Variants in EGFR observed in about 807,000 individuals in gnomAD.
EGFR encodes avian erythroblastic leukemia viral (v-erb-b) oncogene homolog.
EGFR carries 58 observed loss-of-function variants against 143.0 expected under a neutral mutation model. That is an observed-to-expected ratio of 0.41 (90% CI 0.33 to 0.50). The LOEUF is 0.50. EGFR is among the 20% of genes least tolerant of loss of function. The pLI, the probability that EGFR is intolerant of heterozygous loss-of-function variation, is 0.39. For missense variants in EGFR, 1,307 were observed against 1,579.0 expected (o/e 0.83, Z 2.92); for synonymous variants, 613 against 594.4 (o/e 1.03, Z -0.45).
intron 20 of EGFR, among the ~76,000 whole-genome samples, chr7:55,186,486 C>T (rs1787144096): frequency 6.6e-6 from 1 of 152,326 alleles, no homozygotes; most frequent in African/African-American, 2.4e-5. Flanking sequence ...GATGACTTAC[C>T]CAGCACGTTC....
At chr7:55,032,561 G>C (rs1249625047) in intron 1 of EGFR, among the ~76,000 whole-genome samples, 1 of 152,196 alleles carries the variant, frequency 6.6e-6, no homozygotes, top group African/African-American at 2.4e-5. Context: ...TTCACAGTTT[G>C]ACACATCTGA....
intron 13 of EGFR, among the ~76,000 whole-genome samples, chr7:55,161,842 T>G (rs1038696712): frequency 7.9e-5 from 12 of 152,236 alleles, no homozygotes; most frequent in Admixed American, 3.3e-4. Context: ...TAAGCAAGTA[T>G]TATTGCCTAA....
In EGFR at chr7:55,147,319, G is replaced by A. The variant is rs17289700; in HGVS notation, c.559+579G>A. On this transcript the variant is annotated intron_variant, in intron 4 of 27. Transcript: ENST00000275493. ...GGAACCAGGCGCAGGTCAGCGTGGC[G>A]CCCTGACTCAGGCCAGCACTGATGG... 3.3e-3 allele frequency among the ~76,000 whole-genome samples: 506 copies of A among 152,318 alleles called. 2 individuals are homozygous for A. The highest frequency in any genetic ancestry group is 0.012 in the African/African-American group (483 of 41,570).
chr7:55,167,554 TTGA>T (rs1175676131), intron 15 of EGFR, among the ~76,000 whole-genome samples: 6 of 102,116 alleles, frequency 5.9e-5, no homozygotes, highest in South Asian at 7.6e-4. Flanking sequence ...GGTGGTGGTG[TTGA>T]TGGTGGTGAT....
intron 1 of EGFR, among the ~76,000 whole-genome samples, chr7:55,094,665 A>G (rs1791336235): frequency 6.6e-6 from 1 of 152,238 alleles, no homozygotes; most frequent in Non-Finnish European, 1.5e-5. Context: ...TGGATACTCC[A>G]AGACTTTGCA....
intron 1 of EGFR, among the ~76,000 whole-genome samples, chr7:55,127,609 A>G (rs559757112): frequency 1.3e-5 from 2 of 152,242 alleles, no homozygotes; most frequent in African/African-American, 2.4e-5. Flanking sequence ...GTTCAACAGC[A>G]TAGAAATTAG....
intron 4 of EGFR, among the ~76,000 whole-genome samples, chr7:55,149,864 A>G (rs564688271): frequency 6.6e-6 from 1 of 152,350 alleles, no homozygotes; most frequent in South Asian, 2.1e-4. Flanking sequence ...GCATATTTAA[A>G]GGCATGGAAA....
intron 12 of EGFR, among the ~76,000 whole-genome samples, chr7:55,160,943 C>T (rs1404331001): frequency 1.3e-5 from 2 of 149,802 alleles, no homozygotes; most frequent in African/African-American, 5.1e-5. Context: ...AGTGAAATTC[C>T]TGTGTGTAAA....
rs543082994 is a variant in EGFR at position 55,179,437 on chromosome 7, G to A, written c.2284-1856G>A. Among the ~76,000 whole-genome samples the A allele has an allele frequency of 1.2e-4, 19 of 152,310 alleles. No individual in the cohort carries two copies. The East Asian group carries it at 2.1e-3, about 17-fold the overall frequency. ...AGAGTTTCATTTAGATTGAAGAGTCGAGGAAGGCTCCTCTGAGAAAGAGTC... is the reference window on the plus strand; with the variant it reads ...AGAGTTTCATTTAGATTGAAGAGTCAAGGAAGGCTCCTCTGAGAAAGAGTC... On this transcript the variant is annotated intron_variant, in intron 19 of 27. Transcript: ENST00000275493.
intron 12 of EGFR, 77 bp downstream of exon 12, chr7:55,160,415 C>G (rs1785640091): frequency 3.5e-5 from 50 of 1,413,192 alleles, no homozygotes; most frequent in Non-Finnish European, 4.8e-5. Context: ...TATTGAAGGG[C>G]TATTCCCATT....
chr7:55,024,710 G>A (rs1786780999), intron 1 of EGFR, among the ~76,000 whole-genome samples: 2 of 152,180 alleles, frequency 1.3e-5, no homozygotes, highest in African/African-American at 4.8e-5. Flanking sequence ...TTTGAGCCAT[G>A]ATGAGTGATT....
At chr7:55,090,060 C>T (rs1370977760) in intron 1 of EGFR, among the ~76,000 whole-genome samples, 1 of 151,980 alleles carries the variant, frequency 6.6e-6, no homozygotes, top group Non-Finnish European at 1.5e-5. Context: ...GCTCTGCCTC[C>T]CGGGTTCAAG....
At chr7:55,170,074 G>A (rs998787549) in intron 15 of EGFR, among the ~76,000 whole-genome samples, 3 of 152,126 alleles carry the variant, frequency 2.0e-5, no homozygotes, top group African/African-American at 4.8e-5. Flanking sequence ...CCACCCCTAC[G>A]AAGCCTGTGT....
chr7:55,185,341 A>G (rs984829480), intron 20 of EGFR, among the ~76,000 whole-genome samples: 3 of 152,208 alleles, frequency 2.0e-5, no homozygotes, highest in African/African-American at 7.2e-5. Flanking sequence ...TTCCCCACAC[A>G]GGAGCTCACA....
chr7:55,061,880 G>C (rs1789205237), intron 1 of EGFR, among the ~76,000 whole-genome samples: 1 of 152,198 alleles, frequency 6.6e-6, no homozygotes, highest in Non-Finnish European at 1.5e-5. Flanking sequence ...CAGCTGCTAA[G>C]TGGGCAGCAT....
chr7:55,178,541 C>T (rs774939593), intron 19 of EGFR, among the ~76,000 whole-genome samples: 9 of 152,308 alleles, frequency 5.9e-5, no homozygotes, highest in South Asian at 2.1e-4. Context: ...GTGGGCCTGA[C>T]CTGACCCTGC....
intron 1 of EGFR, among the ~76,000 whole-genome samples, chr7:55,059,909 G>A (rs1004804990): frequency 2.6e-5 from 4 of 151,988 alleles, no homozygotes; most frequent in African/African-American, 9.7e-5. Context: ...CCAGATAAGG[G>A]CTGGGTGGAA....
Position 55,191,596 on chromosome 7 carries a change from C to A in EGFR, c.2470-123C>A, listed in dbSNP as rs544956254. On this transcript the variant is annotated intron_variant, in intron 20 of 27. Coordinates refer to ENST00000275493, the MANE Select transcript of EGFR (RefSeq NM_005228.5). ...CTTTGGATCAGTAGTCACTAACGTT[C>A]GCCAGCCATAAGTCCTCGACGTGGA... 2.6e-5 allele frequency: 33 copies of A among 1,288,270 alleles called. No individual in the cohort carries two copies. The South Asian group carries it at 3.6e-4, about 14-fold the overall frequency. 79.8% of individuals were successfully genotyped at this position (1,288,270 alleles called of 1,614,324 possible).
chr7:55,052,353 A>G (rs56372429), intron 1 of EGFR, among the ~76,000 whole-genome samples: 4,134 of 152,306 alleles, frequency 0.027, 87 homozygotes, highest in Middle Eastern at 0.051. Flanking sequence ...TTCTCAGGAG[A>G]TGATGCATCC....
Sources: gnomAD v4.1 joint callset for allele counts (sites outside exome capture counted in the v4.1 genomes callset) on GRCh38, gnomAD v4.1.1 for gene constraint, MANE v1.5 for transcripts, NCBI Gene and HGNC (gene_info 2026-07-23, HGNC 2026-07-21) for gene names.